Variants in PBX1 observed in about 807,000 individuals in gnomAD.
The protein encoded by PBX1 is PBX homeobox 1, also known as pre-B-cell leukemia transcription factor 1.
In PBX1, 6 loss-of-function variants were observed where a neutral mutation model predicts 53.4. The ratio of observed to expected loss-of-function variants is 0.11; its 90% CI spans 0.06 to 0.22. PBX1 has a LOEUF of 0.22. PBX1 is among the 10% of genes least tolerant of loss of function. The pLI, the probability that PBX1 is intolerant of heterozygous loss-of-function variation, is 1.00. For missense variants in PBX1, 251 were observed against 551.4 expected (o/e 0.46, Z 5.46); for synonymous variants, 204 against 212.3 (o/e 0.96, Z 0.34).
intron 2 of PBX1, among the ~76,000 whole-genome samples, chr1:164,883,458 G>A (rs1187095915): frequency 1.3e-5 from 2 of 152,116 alleles, no homozygotes; most frequent in African/African-American, 4.8e-5. Context: ...CAAAATATGT[G>A]AAAACAGAAA....
In PBX1 at chr1:164,867,590, TCTGTCTTGATACAC is replaced by T. The variant is rs1672247638; in HGVS notation, n.258-31595_258-31582del. On this transcript the variant is annotated intron_variant and non_coding_transcript_variant, in intron 2 of 2. Coordinates refer to the PBX1 transcript ENST00000558796. ...AATGGTGGCCTAAAAACTGGCCATC[TCTGTCTTGATACAC>T]CTTTCCCATTAGCTTGGAGGGTTCA... Among the ~76,000 whole-genome samples, 4 of 152,348 alleles carry T rather than the reference TCTGTCTTGATACAC, an allele frequency of 2.6e-5. No individual in the cohort carries two copies. In the South Asian group the frequency reaches 8.3e-4, roughly 32 times the overall value.
At chr1:164,598,440 G>T (rs541389473) in intron 2 of PBX1, among the ~76,000 whole-genome samples, 54 of 152,216 alleles carry the variant, frequency 3.5e-4, no homozygotes, top group African/African-American at 1.3e-3. Flanking sequence ...TTGTCTTAGG[G>T]CTTCTTTGTG....
intron 2 of PBX1, among the ~76,000 whole-genome samples, chr1:164,691,011 CTT>C (rs386368555): frequency 0.013 from 1,366 of 106,452 alleles, 8 homozygotes; most frequent in African/African-American, 0.037. Context: ...GTTGTTAAAT[CTT>C]TTTTTTTTTT....
At chr1:164,870,807 TG>T (rs1672365549) in intron 2 of PBX1, among the ~76,000 whole-genome samples, 1 of 152,176 alleles carries the variant, frequency 6.6e-6, no homozygotes, top group Non-Finnish European at 1.5e-5. Flanking sequence ...CATCCTTCCT[TG>T]TTCAGGGTTC....
At chr1:164,885,701 T>G (rs1672761790) in intron 2 of PBX1, among the ~76,000 whole-genome samples, 1 of 151,446 alleles carries the variant, frequency 6.6e-6, no homozygotes, top group South Asian at 2.1e-4. Flanking sequence ...GTCTTTGCCC[T>G]TATTGTTCAT....
At chr1:164,806,564 A>G (rs10800052) in intron 4 of PBX1, among the ~76,000 whole-genome samples, 39,200 of 152,140 alleles carry the variant, frequency 0.26, 5,960 homozygotes, top group African/African-American at 0.41. Context: ...GAAGCTCTGC[A>G]TAATTGTGAG....
intron 2 of PBX1, among the ~76,000 whole-genome samples, chr1:164,765,578 G>C (rs1667021193): frequency 6.6e-6 from 1 of 152,140 alleles, no homozygotes; most frequent in Non-Finnish European, 1.5e-5. Flanking sequence ...TGTGTGCCCA[G>C]CTTTAGTCTA....
At chr1:164,676,767 A>C (rs934135720) in intron 2 of PBX1, among the ~76,000 whole-genome samples, 1 of 151,854 alleles carries the variant, frequency 6.6e-6, no homozygotes, top group Non-Finnish European at 1.5e-5. Context: ...AGTGTCATTC[A>C]CTCCCTAGCT....
chr1:164,683,383 A>C (rs1253414799), intron 2 of PBX1: 1 of 152,192 alleles, frequency 6.6e-6, no homozygotes, highest in African/African-American at 2.4e-5. Context: ...TTCTTCTAAC[A>C]GGCCATATTC....
chr1:164,690,614 A>C (rs1482004857), intron 2 of PBX1, among the ~76,000 whole-genome samples: 1 of 147,264 alleles, frequency 6.8e-6, no homozygotes, highest in Non-Finnish European at 1.5e-5. Context: ...AAGAAGAAAA[A>C]ATTTAAGCTT....
intron 2 of PBX1, among the ~76,000 whole-genome samples, chr1:164,574,017 C>T (rs963875386): frequency 2.6e-5 from 4 of 152,266 alleles, no homozygotes; most frequent in East Asian, 1.9e-4. Flanking sequence ...GATGAATAGC[C>T]GTGTTCCAGA....
At chr1:164,734,550 G>A (rs1431795628) in intron 2 of PBX1, among the ~76,000 whole-genome samples, 1 of 152,064 alleles carries the variant, frequency 6.6e-6, no homozygotes. Flanking sequence ...GGATATAAAT[G>A]GTTTACTTAA....
intron 2 of PBX1, among the ~76,000 whole-genome samples, chr1:164,732,197 T>C (rs1477064712): frequency 3.3e-5 from 5 of 152,148 alleles, no homozygotes; most frequent in African/African-American, 1.2e-4. Flanking sequence ...TCACCACAGG[T>C]AATTGGAACA....
Position 164,768,512 on chromosome 1 carries a change from T to C in PBX1, c.266-23982T>C, listed in dbSNP as rs1163219729. 2.0e-5 allele frequency among the ~76,000 whole-genome samples: 3 copies of C among 152,168 alleles called. No individual in the cohort carries two copies. In the East Asian group the frequency reaches 5.8e-4, roughly 29 times the overall value. On this transcript the variant is annotated intron_variant, in intron 2 of 8. Coordinates refer to ENST00000420696, the MANE Select transcript of PBX1 (RefSeq NM_002585.4). Reference sequence around the variant, plus strand: ...CACTGCTTTATAACTTTGCTTTTGCTCCCTTAAATGTTTCGGAAATGTGAC... The same window carrying C: ...CACTGCTTTATAACTTTGCTTTTGCCCCCTTAAATGTTTCGGAAATGTGAC...
chr1:164,842,097 G>T (rs1396837785), intron 8 of PBX1, among the ~76,000 whole-genome samples: 1 of 152,176 alleles, frequency 6.6e-6, no homozygotes, highest in African/African-American at 2.4e-5. Flanking sequence ...AAAAAGAGGA[G>T]ATGGGGCAGG....
intron 1 of PBX1, among the ~76,000 whole-genome samples, chr1:164,561,765 G>T (rs1323465327): frequency 1.3e-5 from 2 of 152,030 alleles, no homozygotes; most frequent in African/African-American, 4.8e-5. Flanking sequence ...TACAATTTTG[G>T]GATGGGGAAA....
At chr1:164,666,605 A>G (rs893528734) in intron 2 of PBX1, among the ~76,000 whole-genome samples, 2 of 152,150 alleles carry the variant, frequency 1.3e-5, no homozygotes, top group Non-Finnish European at 1.5e-5. Context: ...TATTTTAGTA[A>G]TGGAAATGTC....
At position 164,841,156 on chromosome 1, in the gene PBX1, C is replaced by G. The variant is rs564242759; in HGVS notation, c.1201-5428C>G. 2.9e-4 allele frequency among the ~76,000 whole-genome samples: 44 copies of G among 152,204 alleles called. 1 individual carries two copies. In the South Asian group the frequency reaches 6.2e-3, roughly 22 times the overall value. On this transcript the variant is annotated intron_variant, in intron 8 of 8. Transcript: ENST00000420696. The stretch of plus-strand genomic sequence containing the variant: ...AGAGGCACATACATAGAACTGGGGG[C>G]CTGCAGGAGGAAGAAACAAAAAGCA...
At chr1:164,786,681 C>CTGTGTGTGTGTGTGTGTGTGTGTG (rs74747780) in intron 2 of PBX1, among the ~76,000 whole-genome samples, 1 of 140,514 alleles carries the variant, frequency 7.1e-6, no homozygotes, top group African/African-American at 2.7e-5. Flanking sequence ...TCAGAAGAGA[C>CTGTGTGTGTGTGTGTGTGTGTGTG]TGTGTGTGTG....
Sources: allele counts gnomAD v4.1 joint callset (sites outside exome capture counted in the v4.1 genomes callset), GRCh38; gene constraint gnomAD v4.1.1; transcripts MANE v1.5; gene names NCBI Gene and HGNC (gene_info 2026-07-23, HGNC 2026-07-21).